The following TAF6L variants were observed in gnomAD, a reference collection of about 807,000 sequenced individuals.
TAF6L encodes TAF6-like RNA polymerase II p300/CBP-associated factor-associated factor 65 kDa subunit 6L.
TAF6L carries 34 observed loss-of-function variants against 57.3 expected under a neutral mutation model. The ratio of observed to expected loss-of-function variants is 0.59; its 90% CI spans 0.45 to 0.79. The LOEUF is 0.79. TAF6L is among the 30% of genes least tolerant of loss of function. The pLI is 0.00. For missense variants in TAF6L, 782 were observed against 853.2 expected (o/e 0.92, Z 1.04); for synonymous variants, 417 against 376.3 (o/e 1.11, Z -1.25).
chr11:62,781,657 G>A lies in TAF6L; in HGVS notation c.532-237G>A, dbSNP rs1373233881. 4.8e-5 allele frequency: 14 copies of A among 288,896 alleles called. 1 individual carries two copies. The highest frequency in any genetic ancestry group is 1.4e-4 in the South Asian group (6 of 42,344). The allele number at this position is 288,896 out of a possible 1,614,324, so 17.9% of individuals were successfully genotyped here. ...GCCACTGGGCGACAGAGCGAGACTC[G>A]GTCTCAAAAAAAAAAAAAAAAGTTG... On this transcript the variant is annotated intron_variant, in intron 6 of 10. Coordinates refer to ENST00000294168, the MANE Select transcript of TAF6L (RefSeq NM_006473.4).
In TAF6L at chr11:62,787,305, C is replaced by A; in HGVS notation, c.*9C>A. On this transcript the variant is annotated 3_prime_UTR_variant, in exon 11 of 11. Transcript: ENST00000294168. ...TGTACTTGCCGCTCTGAGTCAGTGG[C>A]CCCTTCGTTCCTTGTAAATAAATCC... 4 of 1,527,790 alleles carry A rather than the reference C, an allele frequency of 2.6e-6. No individual in the cohort carries two copies. The highest frequency in any genetic ancestry group is 2.6e-6 in the Non-Finnish European group (3 of 1,144,844). The allele number at this position is 1,527,790 out of a possible 1,614,324, so 94.6% of individuals were successfully genotyped here. A position where few individuals can be genotyped will look rare whatever the true frequency, so the allele number is the denominator to read the frequency against.
chr11:62,777,062 G>A lies in TAF6L; in HGVS notation c.234+592G>A, dbSNP rs1003796686. ...CTCAGGATGCTGAGGCAGGAGAATCGCGTGAACCTGGGAGGCAGAGGTTGC... is the reference window on the plus strand; with the variant it reads ...CTCAGGATGCTGAGGCAGGAGAATCACGTGAACCTGGGAGGCAGAGGTTGC... On this transcript the variant is annotated intron_variant, in intron 3 of 10. Coordinates refer to ENST00000294168, the MANE Select transcript of TAF6L (RefSeq NM_006473.4). Among the ~76,000 whole-genome samples the A allele has an allele frequency of 9.2e-5, 14 of 151,998 alleles. 1 individual carries two copies. The highest frequency in any genetic ancestry group is 1.4e-4 in the African/African-American group (6 of 41,462).
Position 62,782,770 on chromosome 11 carries a change from G to A in TAF6L, c.905G>A (p.Arg302Gln), listed in dbSNP as rs766641541. Residue 302 changes from arginine to glutamine, a missense_variant, in exon 9 of 11, where the codon CGG becomes CAG. This residue lies in a region of TAF6L where 79 missense variants were observed against 156.0 expected (regional missense o/e 0.51). Coordinates refer to ENST00000294168, the MANE Select transcript of TAF6L (RefSeq NM_006473.4). ...CAGAAGATCCTGGCAGATCCTGTGC[G>A]GCCGCTCTGCTGCCACTATGGAGCC... ...SLQKILADPV[R>Q]PLCCHYGAVV... 2.0e-5 allele frequency: 33 copies of A among 1,613,186 alleles called. No individual in the cohort carries two copies. The highest frequency in any genetic ancestry group is 4.5e-5 in the East Asian group (2 of 44,898).
At chr11:62,784,288 CAT>C (rs997402650) in intron 9 of TAF6L, among the ~76,000 whole-genome samples, 1 of 137,152 alleles carries the variant, frequency 7.3e-6, no homozygotes, top group Non-Finnish European at 1.6e-5. Context: ...GGTGCCTGGC[CAT>C]ATATATATAT....
intron 6 of TAF6L, among the ~76,000 whole-genome samples, chr11:62,780,539 C>T (rs546122576): frequency 1.3e-5 from 2 of 152,090 alleles, no homozygotes; most frequent in Non-Finnish European, 2.9e-5. Flanking sequence ...TGCTGCACTC[C>T]AGCCTGGCTG....
At chr11:62,784,143 C>G (rs1415227857) in intron 9 of TAF6L, among the ~76,000 whole-genome samples, 1 of 145,754 alleles carries the variant, frequency 6.9e-6, no homozygotes, top group African/African-American at 2.5e-5. Flanking sequence ...GCACGCACCA[C>G]CAGGGCCAGT....
intron 6 of TAF6L, among the ~76,000 whole-genome samples, chr11:62,780,657 C>T (rs774297840): frequency 2.0e-5 from 3 of 151,700 alleles, no homozygotes; most frequent in Non-Finnish European, 4.4e-5. Context: ...TGGCTGGGTG[C>T]GGTGGTTCAC....
At chr11:62,771,881 T>C in intron 1 of TAF6L, 1 of 309,004 alleles carries the variant, frequency 3.2e-6, no homozygotes, top group Non-Finnish European at 6.4e-6. Flanking sequence ...ATTTTACAGA[T>C]AGGGAAACTG....
At chr11:62,774,419 GGAGTGCTGCACAGAA>G (rs2084170661) in intron 1 of TAF6L, among the ~76,000 whole-genome samples, 1 of 152,214 alleles carries the variant, frequency 6.6e-6, no homozygotes, top group African/African-American at 2.4e-5. Flanking sequence ...GCCATTGGGA[GGAGTGCTGCACAGAA>G]GCCACATAGC....
chr11:62,786,168 C>G (rs1297150468), intron 9 of TAF6L, 92 bp from the exon 10 acceptor site: 1 of 1,483,372 alleles, frequency 6.7e-7, no homozygotes, highest in Non-Finnish European at 9.2e-7. Flanking sequence ...TGTCTAGGAT[C>G]AGAGATAAAG....
Position 62,787,203 on chromosome 11 carries a change from G to A in TAF6L, c.1776G>A (p.Ser592=), listed in dbSNP as rs374021951. Residue 592 remains serine, a synonymous_variant, in exon 11 of 11, where the codon TCG becomes TCA. Coordinates refer to ENST00000294168, the MANE Select transcript of TAF6L (RefSeq NM_006473.4). ...FPAPYGPSPA[S]RYVQKLPMIG... ...CGCCGTACGGGCCTAGCCCGGCCTC[G>A]CGCTACGTGCAGAAACTGCCCATGA... is the stretch of plus-strand genomic sequence containing the variant. The A allele has an allele frequency of 2.5e-6, 4 of 1,588,192 alleles. No homozygotes were observed. Among genetic ancestry groups the A allele is most frequent in the Non-Finnish European group, 3.4e-6 (4 of 1,175,892 alleles).
chr11:62,779,981 T>A (rs1437086843), intron 6 of TAF6L, among the ~76,000 whole-genome samples: 47 of 137,924 alleles, frequency 3.4e-4, no homozygotes, highest in African/African-American at 1.0e-3. Context: ...TATATATTTT[T>A]TTTTTTTTTT....
At chr11:62,779,976 A>T (rs200540128) in intron 6 of TAF6L, among the ~76,000 whole-genome samples, 1,732 of 52,630 alleles carry the variant, frequency 0.033, 104 homozygotes, top group African/African-American at 0.084. Flanking sequence ...ATATATATAT[A>T]TTTTTTTTTT....
intron 9 of TAF6L, among the ~76,000 whole-genome samples, chr11:62,783,767 A>G (rs2084248308): frequency 6.6e-6 from 1 of 151,728 alleles, no homozygotes; most frequent in Non-Finnish European, 1.5e-5. Flanking sequence ...TCCTAGCCTC[A>G]AGTGGTCTGC....
At chr11:62,781,873 A>C (rs906486021) in intron 6 of TAF6L, 21 bp from the exon 7 acceptor site, 1 of 1,611,810 alleles carries the variant, frequency 6.2e-7, no homozygotes, top group Non-Finnish European at 8.5e-7. Flanking sequence ...GATCCAATGC[A>C]GTCTGGGCCC....
chr11:62,778,015 T>C lies in TAF6L; in HGVS notation c.272T>C (p.Met91Thr). 6.2e-7 allele frequency: 1 copy of C among 1,614,196 alleles called. No homozygotes were observed. Among genetic ancestry groups the C allele is most frequent in the Non-Finnish European group, 8.5e-7 (1 of 1,180,032 alleles). ...TACGGATCACAGGAGGCACTGCCCA[T>C]GCGCCCCGCCAGGGAGGGTGAACTC... ...CGYGSQEALP[M>T]RPAREGELYF... Residue 91 changes from methionine (M) to threonine (T), a missense_variant, in exon 4 of 11, where the codon ATG becomes ACG. Transcript: ENST00000294168.
At position 62,776,399 on chromosome 11, in the gene TAF6L, A is replaced by G. The variant is rs1363641175; in HGVS notation, c.163A>G (p.Met55Val). ...TCCCTCCCAGAATAGCTCTCAGTTC[A>G]TGAAGCACACCAAACGCCGGAAGCT... ...REATQNSSQF[M>V]KHTKRRKLTV... is the part of the protein sequence containing the mutation. The change falls in exon 3 of 11, where the codon ATG becomes GTG. Residue 55 changes from methionine to valine, a missense_variant. Around this residue, in one of 3 missense-constraint regions of TAF6L, gnomAD observed 220 missense variants for 252.1 expected, o/e 0.87. Transcript: ENST00000294168. 3.7e-6 allele frequency: 6 copies of G among 1,613,604 alleles called. No homozygotes were observed. Among genetic ancestry groups the G allele is most frequent in the South Asian group, 3.3e-5 (3 of 91,078 alleles).
chr11:62,781,170 AG>A lies in TAF6L; in HGVS notation c.532-722del, dbSNP rs555541656. The stretch of plus-strand genomic sequence containing the variant: ...AGAATTGCTTGAACCCAGGAGGCAG[AG>A]GTTGCAGTGAGCTGAGATTGAGCCA... On this transcript the variant is annotated intron_variant, in intron 6 of 10. Coordinates refer to ENST00000294168, the MANE Select transcript of TAF6L (RefSeq NM_006473.4). Among the ~76,000 whole-genome samples the A allele has an allele frequency of 7.6e-4, 115 of 150,548 alleles. 1 individual carries two copies. The South Asian group carries it at 0.023, about 30-fold the overall frequency.
Position 62,787,122 on chromosome 11 carries a change from C to T in TAF6L, c.1695C>T (p.Ala565=). Residue 565 remains alanine (A), a synonymous_variant, in exon 11 of 11, where the codon GCC becomes GCT. Coordinates refer to ENST00000294168, the MANE Select transcript of TAF6L (RefSeq NM_006473.4). The part of the protein sequence containing the change: ...RGAPHFRFII[A]GRQAGRRCRG... ...CCCCGCACTTTCGTTTCATCATAGC[C>T]GGGCGGCAGGCTGGGAGGCGCTGCC... The T allele has an allele frequency of 4.5e-6, 7 of 1,557,092 alleles. No individual in the cohort carries two copies. The highest frequency in any genetic ancestry group is 6.0e-6 in the Non-Finnish European group (7 of 1,159,790).
Sources: allele counts gnomAD v4.1 joint callset (sites outside exome capture counted in the v4.1 genomes callset), GRCh38; gene constraint gnomAD v4.1.1; regional missense constraint gnomAD v4.1.1; transcripts MANE v1.5; gene names NCBI Gene and HGNC (gene_info 2026-07-23, HGNC 2026-07-21).